VWA5A: variants seen among roughly 807,000 people sequenced by gnomAD.
The protein encoded by VWA5A is von Willebrand factor A domain-containing protein 5A.
In VWA5A, 77 loss-of-function variants were observed where a neutral mutation model predicts 84.6. That is an observed-to-expected ratio of 0.91 (90% CI 0.76 to 1.10). The LOEUF is 1.10. Ranked by LOEUF, VWA5A falls within the 50% of genes least tolerant of loss-of-function variation. The pLI, the probability that VWA5A is intolerant of heterozygous loss-of-function variation, is 0.00. For missense variants in VWA5A, 973 were observed against 963.0 expected (o/e 1.01, Z -0.14); for synonymous variants, 334 against 350.1 (o/e 0.95, Z 0.51).
rs1249303838 is a variant in VWA5A at position 124,137,198 on chromosome 11, G to A, written c.1809G>A (p.Leu603=). The A allele has an allele frequency of 6.2e-7, 1 of 1,614,096 alleles. No homozygotes were observed. The stretch of plus-strand genomic sequence containing the variant: ...TCAACAAGCCGGTTCAGGGGCCTCT[G>A]GCTCATAGGGACGTCCCAAGGCCAA... ...KELNKPVQGP[L]AHRDVPRPIL... The change falls in exon 15 of 19, where the codon CTG becomes CTA. Residue 603 remains leucine (L), a synonymous_variant. Coordinates refer to ENST00000456829, the MANE Select transcript of VWA5A (RefSeq NM_001130142.2).
rs533874979 is a variant in VWA5A, at chr11:124,118,282, G to T, written c.340G>T (p.Val114Leu). 1 of 1,614,196 alleles carries T rather than the reference G, an allele frequency of 6.2e-7. No homozygotes were observed. The highest frequency in any genetic ancestry group is 1.1e-5 in the South Asian group (1 of 91,082). Residue 114 changes from valine (V) to leucine (L), a missense_variant, in exon 5 of 19, where the codon GTG becomes TTG. Val to Leu is a conservative substitution (Grantham distance 32). Transcript: ENST00000456829. ...SSSRDVFSCN[V>L]GNLQPGSKAA... The stretch of plus-strand genomic sequence containing the variant: ...CTCCAGGGATGTCTTCTCTTGCAAT[G>T]TGGGTAACCTCCAACCTGGGTCGAA...
intron 1 of VWA5A, chr11:124,116,206 G>A (rs192043674): frequency 2.0e-5 from 3 of 152,388 alleles, no homozygotes; most frequent in African/African-American, 7.2e-5. Flanking sequence ...TCAGATTCAT[G>A]GCTTTCAGCT....
chr11:124,123,325 A>G (rs1864962281), intron 8 of VWA5A, 41 bp from the exon 9 acceptor site: 1 of 1,589,302 alleles, frequency 6.3e-7, no homozygotes, highest in Non-Finnish European at 8.6e-7. Flanking sequence ...TGTTTTGGCG[A>G]GCCTCTCTCA....
At chr11:124,117,353 C>A (rs1011941981) in intron 2 of VWA5A, 144 bp from the exon 3 acceptor site, 14 of 785,710 alleles carry the variant, frequency 1.8e-5, no homozygotes, top group Non-Finnish European at 2.5e-5. Flanking sequence ...ATCTTTGTCT[C>A]CTTTTTTTTA....
chr11:124,135,533 T>C (rs928949019), intron 12 of VWA5A, among the ~76,000 whole-genome samples: 8 of 136,816 alleles, frequency 5.8e-5, no homozygotes, highest in African/African-American at 1.9e-4. Context: ...TTTTTTTTTT[T>C]TTTTTTTTTT....
intron 4 of VWA5A, 134 bp downstream of exon 4, chr11:124,118,009 C>T (rs1218919589): frequency 7.7e-7 from 1 of 1,306,672 alleles, no homozygotes; most frequent in Admixed American, 2.6e-5. Flanking sequence ...TTCTTCCACT[C>T]TTTTCTAACT....
chr11:124,121,864 C>A (rs1484203252), intron 7 of VWA5A, among the ~76,000 whole-genome samples: 1 of 152,208 alleles, frequency 6.6e-6, no homozygotes, highest in Non-Finnish European at 1.5e-5. Context: ...CAATATAGCA[C>A]CAGCTCCATT....
chr11:124,135,724 G>A (rs1021059541), intron 12 of VWA5A, among the ~76,000 whole-genome samples: 1 of 150,554 alleles, frequency 6.6e-6, no homozygotes, highest in Non-Finnish European at 1.5e-5. Context: ...TAGAGACGGG[G>A]TTTCACCGTT....
intron 15 of VWA5A, 95 bp downstream of exon 15, chr11:124,137,363 A>G (rs1565621227): frequency 1.5e-5 from 22 of 1,478,534 alleles, no homozygotes; most frequent in Non-Finnish European, 1.8e-5. Flanking sequence ...AATGTTCTCA[A>G]ATTGCTTTGT....
chr11:124,141,821 G>T, intron 16 of VWA5A, 80 bp downstream of exon 16: 1 of 1,520,920 alleles, frequency 6.6e-7, no homozygotes, highest in Non-Finnish European at 8.9e-7. Flanking sequence ...AAAGCTTGTA[G>T]TTACAGCTAT....
chr11:124,135,655 T>C (rs7112394), intron 12 of VWA5A, among the ~76,000 whole-genome samples: 28,036 of 137,338 alleles, frequency 0.2, 3,194 homozygotes, highest in African/African-American at 0.29. Context: ...CTCAGCCTCC[T>C]GAGTAGCTGG....
At chr11:124,124,610 T>G in intron 11 of VWA5A, 1 of 1,067,700 alleles carries the variant, frequency 9.4e-7, no homozygotes, top group East Asian at 6.9e-5. Flanking sequence ...AAGTAAAACA[T>G]GCTGAAAACT....
intron 12 of VWA5A, 60 bp downstream of exon 12, chr11:124,135,094 G>T (rs1865154478): frequency 6.9e-7 from 1 of 1,449,080 alleles, no homozygotes; most frequent in Non-Finnish European, 9.5e-7. Flanking sequence ...AGTGGAACGG[G>T]GTGGGGAACA....
intron 1 of VWA5A, 76 bp from the exon 2 acceptor site, chr11:124,116,490 C>T (rs1245134467): frequency 1.3e-5 from 2 of 152,216 alleles, no homozygotes; most frequent in African/African-American, 4.8e-5. Flanking sequence ...TCTCTTTCAG[C>T]TGTTTTACTC....
intron 5 of VWA5A, 32 bp downstream of exon 5, chr11:124,118,443 T>C: frequency 6.2e-7 from 1 of 1,611,626 alleles, no homozygotes; most frequent in South Asian, 1.1e-5. Flanking sequence ...ATTCTAGTGG[T>C]GGGTGACATA....
At chr11:124,119,645 G>A (rs771981707) in intron 7 of VWA5A, among the ~76,000 whole-genome samples, 2 of 152,152 alleles carry the variant, frequency 1.3e-5, no homozygotes, top group East Asian at 1.9e-4. Context: ...TAATAATATC[G>A]AGTATTAGTA....
At chr11:124,140,353 G>A (rs1306960720) in intron 15 of VWA5A, among the ~76,000 whole-genome samples, 3 of 152,182 alleles carry the variant, frequency 2.0e-5, no homozygotes, top group African/African-American at 4.8e-5. Context: ...AGGAAAAAAA[G>A]TAGAGAAGTC....
In VWA5A at chr11:124,145,824, T is replaced by G. The variant is rs1162601926; in HGVS notation, c.2282-42T>G. On this transcript the variant is annotated intron_variant, in intron 18 of 18. Transcript: ENST00000456829. ...CTGGGAGGTTTGGAGGAGCCTCTAA[T>G]TGCAATCCTTCATCCCTGCTTCTTG... The G allele has an allele frequency of 3.9e-6, 6 of 1,550,382 alleles. No individual in the cohort carries two copies. The Admixed American group carries it at 5.8e-5, about 15-fold the overall frequency.
At position 124,136,916 on chromosome 11, in the gene VWA5A, T is replaced by TCC. The variant is rs1422483981; in HGVS notation, c.1626-99_1626-98insCC. ...GTCTTCTCTCTCCCCTTATCTGACT[T>TCC]TATCTTAACTCTTCTATTCCTAACT... On this transcript the variant is annotated intron_variant, in intron 14 of 18. Coordinates refer to ENST00000456829, the MANE Select transcript of VWA5A (RefSeq NM_001130142.2). 6.1e-6 allele frequency: 9 copies of TCC among 1,477,814 alleles called. No homozygotes were observed. The Admixed American group carries it at 1.5e-4, about 25-fold the overall frequency. 91.5% of individuals were successfully genotyped at this position (1,477,814 alleles called of 1,614,324 possible). A position where few individuals can be genotyped will look rare whatever the true frequency, so the allele number is the denominator to read the frequency against.
Sources: gnomAD v4.1 joint callset for allele counts (sites outside exome capture counted in the v4.1 genomes callset) on GRCh38, gnomAD v4.1.1 for gene constraint, MANE v1.5 for transcripts, NCBI Gene and HGNC (gene_info 2026-07-23, HGNC 2026-07-21) for gene names.